Variants in CSMD1 observed in about 807,000 individuals in gnomAD.
CSMD1 encodes CUB and sushi domain-containing protein 1.
In CSMD1, 213 loss-of-function variants were observed where a neutral mutation model predicts 417.5. That is an observed-to-expected ratio of 0.51 (90% CI 0.46 to 0.57). CSMD1 has a LOEUF of 0.57. Ranked by LOEUF, CSMD1 falls within the 20% of genes least tolerant of loss-of-function variation. CSMD1 has a pLI of 0.00. For synonymous variants in CSMD1, 2,862 were observed against 1,736.8 expected, an observed-to-expected ratio of 1.65 and a Z score of -16.11; for missense variants, 6,923 against 4,529.7, an observed-to-expected ratio of 1.53 and a Z score of -15.17.
At chr8:3,752,140 T>G (rs1797373365) in intron 6 of CSMD1, among the ~76,000 whole-genome samples, 1 of 152,104 alleles carries the variant, frequency 6.6e-6, no homozygotes, top group Non-Finnish European at 1.5e-5. Context: ...CCATTCTAAC[T>G]ACAGCCACAG....
At chr8:3,105,359 T>C (rs1248837496) in intron 46 of CSMD1, among the ~76,000 whole-genome samples, 1 of 152,210 alleles carries the variant, frequency 6.6e-6, no homozygotes, top group Non-Finnish European at 1.5e-5. Context: ...GCCACAATGC[T>C]CAAAAGCACT....
chr8:4,374,971 G>T lies in CSMD1; in HGVS notation c.415+44982C>A, dbSNP rs538985844. The stretch of plus-strand genomic sequence containing the variant: ...CAGACAAAGGTGGGGTGGGGGGGGG[G>T]GGCGATAGTGGGGGTACGGGCAAGG... On this transcript the variant is annotated intron_variant, in intron 3 of 69. Coordinates refer to ENST00000635120, the MANE Select transcript of CSMD1 (RefSeq NM_033225.6). 5.3e-5 allele frequency among the ~76,000 whole-genome samples: 7 copies of T among 133,206 alleles called. 1 individual carries two copies. Among genetic ancestry groups the T allele is most frequent in the African/African-American group, 1.6e-4 (6 of 37,560 alleles). The allele number at this position is 133,206 out of a possible 152,430, so 87.4% of individuals were successfully genotyped here.
rs562311980 is a variant in CSMD1 at position 3,805,302 on chromosome 8, C to A, written c.819-51260G>T. ...GCAGAGGAAGGAGCCACAGATTCCA[C>A]CAGGACACCAGCCTCAAAGGCAAGA... On this transcript the variant is annotated intron_variant, in intron 5 of 69. Coordinates refer to ENST00000635120, the MANE Select transcript of CSMD1 (RefSeq NM_033225.6). Among the ~76,000 whole-genome samples the A allele has an allele frequency of 4.6e-5, 7 of 152,164 alleles. No individual in the cohort carries two copies. The East Asian group carries it at 1.4e-3, about 29-fold the overall frequency.
At chr8:3,673,299 G>C (rs1378326793) in intron 7 of CSMD1, among the ~76,000 whole-genome samples, 1 of 152,118 alleles carries the variant, frequency 6.6e-6, no homozygotes, top group Non-Finnish European at 1.5e-5. Flanking sequence ...TCCTCTACAA[G>C]CCTGCTTAAC....
At chr8:3,512,271 C>G (rs373788369) in intron 10 of CSMD1, among the ~76,000 whole-genome samples, 1 of 152,228 alleles carries the variant, frequency 6.6e-6, no homozygotes, top group African/African-American at 2.4e-5. Flanking sequence ...CAGGGATGGA[C>G]TGGAAGCATT....
At chr8:3,551,012 G>C (rs774176646) in intron 10 of CSMD1, among the ~76,000 whole-genome samples, 72 of 152,128 alleles carry the variant, frequency 4.7e-4, no homozygotes, top group Admixed American at 1.0e-3. Flanking sequence ...CTCCAGCAAT[G>C]CATTAGTCAG....
intron 10 of CSMD1, among the ~76,000 whole-genome samples, 170 bp from the exon 11 acceptor site, chr8:3,493,896 G>C (rs13249756): frequency 0.061 from 9,225 of 152,168 alleles, 340 homozygotes; most frequent in African/African-American, 0.097. Flanking sequence ...ATATTTGATA[G>C]CCTGGCATTA....
intron 17 of CSMD1, among the ~76,000 whole-genome samples, chr8:3,393,606 T>C (rs1013532697): frequency 4.6e-5 from 7 of 152,084 alleles, no homozygotes; most frequent in African/African-American, 1.4e-4. Flanking sequence ...CTAAAAATGA[T>C]AGACTGGATT....
intron 1 of CSMD1, among the ~76,000 whole-genome samples, chr8:4,874,108 G>C (rs1802897812): frequency 1.3e-5 from 2 of 152,068 alleles, no homozygotes; most frequent in South Asian, 4.1e-4. Flanking sequence ...TTGGTCTGTA[G>C]TATTCCACAC....
intron 1 of CSMD1, among the ~76,000 whole-genome samples, chr8:4,867,540 C>A (rs1320716032): frequency 6.6e-6 from 1 of 152,032 alleles, no homozygotes; most frequent in African/African-American, 2.4e-5. Flanking sequence ...TTTGAGTAAG[C>A]AAATTGCAAG....
chr8:4,183,108 A>G (rs923746992), intron 3 of CSMD1, among the ~76,000 whole-genome samples: 1 of 152,180 alleles, frequency 6.6e-6, no homozygotes, highest in African/African-American at 2.4e-5. Flanking sequence ...ATATACAGAG[A>G]TCATCTTTAT....
At chr8:4,753,237 G>A (rs77154177) in intron 1 of CSMD1, among the ~76,000 whole-genome samples, 2 of 151,882 alleles carry the variant, frequency 1.3e-5, no homozygotes, top group South Asian at 2.1e-4. Flanking sequence ...TTTTTCTGCT[G>A]TTCTGGGCTG....
At chr8:3,289,583 T>C (rs1803399557) in intron 25 of CSMD1, among the ~76,000 whole-genome samples, 2 of 144,200 alleles carry the variant, frequency 1.4e-5, no homozygotes, top group South Asian at 2.1e-4. Flanking sequence ...CCGGTGATGA[T>C]GAGCATTTTT....
chr8:4,609,812 G>T (rs2725045), intron 2 of CSMD1, among the ~76,000 whole-genome samples: 54,500 of 151,958 alleles, frequency 0.36, 10,737 homozygotes, highest in African/African-American at 0.54. Context: ...GAGAATATAC[G>T]ATAAAACCAA....
chr8:4,276,625 A>G (rs1477677014), intron 3 of CSMD1, among the ~76,000 whole-genome samples: 7 of 152,190 alleles, frequency 4.6e-5, no homozygotes, highest in African/African-American at 1.2e-4. Flanking sequence ...TGATACACAT[A>G]ATTTTAAGTG....
At chr8:3,714,115 A>G (rs1044248038) in intron 6 of CSMD1, among the ~76,000 whole-genome samples, 2 of 150,366 alleles carry the variant, frequency 1.3e-5, no homozygotes, top group Non-Finnish European at 3.0e-5. Context: ...TGTATAAAAT[A>G]TAAGTATATA....
chr8:4,625,104 G>A (rs890101003), intron 2 of CSMD1, among the ~76,000 whole-genome samples: 2 of 152,040 alleles, frequency 1.3e-5, no homozygotes, highest in Admixed American at 1.3e-4. Flanking sequence ...AAACTAGGGT[G>A]CCACAGATGA....
intron 1 of CSMD1, among the ~76,000 whole-genome samples, chr8:4,818,773 T>C (rs1799353365): frequency 6.6e-6 from 1 of 152,220 alleles, no homozygotes; most frequent in South Asian, 2.1e-4. Flanking sequence ...TACACATCGC[T>C]TGGTACTTTG....
At chr8:4,987,490 A>T (rs1000982409) in intron 1 of CSMD1, among the ~76,000 whole-genome samples, 1 of 152,220 alleles carries the variant, frequency 6.6e-6, no homozygotes, top group South Asian at 2.1e-4. Context: ...AGTTGTAGTT[A>T]TCTCTATCAT....
Sources: allele counts gnomAD v4.1 joint callset (sites outside exome capture counted in the v4.1 genomes callset), GRCh38; gene constraint gnomAD v4.1.1; transcripts MANE v1.5; gene names NCBI Gene and HGNC (gene_info 2026-07-23, HGNC 2026-07-21).